DGLUCY: variants seen among roughly 807,000 people sequenced by gnomAD.
The protein encoded by DGLUCY is D-glutamate cyclase.
DGLUCY carries 58 observed loss-of-function variants against 58.5 expected under a neutral mutation model. The ratio of observed to expected loss-of-function variants is 0.99; its 90% CI spans 0.80 to 1.23. The LOEUF is 1.23. Among genes scored for constraint, DGLUCY ranks in the 50% most tolerant of loss-of-function variants. The probability of loss-of-function intolerance (pLI) is 0.00; values close to 1 mark genes in which losing one functional copy is unlikely to be tolerated. For missense variants in DGLUCY, 779 were observed against 784.7 expected, an observed-to-expected ratio of 0.99 and a Z score of 0.09; for synonymous variants, 325 against 314.1, an observed-to-expected ratio of 1.03 and a Z score of -0.37.
intron 1 of DGLUCY, among the ~76,000 whole-genome samples, chr14:91,087,604 C>T (rs1310870736): frequency 6.6e-5 from 10 of 152,188 alleles, no homozygotes; most frequent in Non-Finnish European, 2.9e-5. Context: ...TTACCTTTCT[C>T]AACATTGCAC....
At chr14:91,099,511 C>T (rs11621928) in intron 1 of DGLUCY, among the ~76,000 whole-genome samples, 19,091 of 141,592 alleles carry the variant, frequency 0.13, 1,572 homozygotes, top group Non-Finnish European at 0.19. Context: ...CCAGCCTAGG[C>T]GACAGAGACC....
intron 8 of DGLUCY, among the ~76,000 whole-genome samples, chr14:91,187,716 A>G (rs1166438328): frequency 6.6e-6 from 1 of 152,202 alleles, no homozygotes; most frequent in African/African-American, 2.4e-5. Context: ...AGAGGACTCA[A>G]CGCCCTAATA....
chr14:91,070,913 G>A (rs2043904381), intron 1 of DGLUCY, among the ~76,000 whole-genome samples: 1 of 152,110 alleles, frequency 6.6e-6, no homozygotes, highest in Non-Finnish European at 1.5e-5. Context: ...CAATAACAAA[G>A]TACATCAGAT....
At chr14:91,182,348 G>T (rs796507044) in intron 8 of DGLUCY, among the ~76,000 whole-genome samples, 8 of 152,282 alleles carry the variant, frequency 5.3e-5, no homozygotes, top group African/African-American at 1.9e-4. Flanking sequence ...GAGTTTATTT[G>T]CTGGGCATGT....
At chr14:91,061,109 G>A (rs2043664176) in intron 1 of DGLUCY, among the ~76,000 whole-genome samples, 1 of 152,174 alleles carries the variant, frequency 6.6e-6, no homozygotes, top group South Asian at 2.1e-4. Flanking sequence ...CGTGGACAGA[G>A]GAGGGGCCTG....
At chr14:91,202,537 A>G (rs1451047472) in intron 11 of DGLUCY, among the ~76,000 whole-genome samples, 1 of 152,138 alleles carries the variant, frequency 6.6e-6, no homozygotes. Flanking sequence ...GGTGTGGTGC[A>G]CACAGTGCGG....
chr14:91,194,722 G>T (rs939843038), intron 9 of DGLUCY, among the ~76,000 whole-genome samples: 1 of 152,040 alleles, frequency 6.6e-6, no homozygotes, highest in African/African-American at 2.4e-5. Flanking sequence ...TCTATTTTTA[G>T]TAGAGACAGG....
rs1368481657 is a variant in DGLUCY, at chr14:91,157,091, ATGAATGGG to A, written c.-81-545_-81-538del. 2.0e-4 allele frequency among the ~76,000 whole-genome samples: 29 copies of A among 145,140 alleles called. 2 individuals carry two copies. The highest frequency in any genetic ancestry group is 5.9e-4 in the African/African-American group (23 of 39,088). ...GATGGATGGATGGATGGATGGATGG[ATGAATGGG>A]TGGATGGATGGATGGATGGGTGGAT... On this transcript the variant is annotated intron_variant, in intron 1 of 13. Coordinates refer to ENST00000256324, the MANE Select transcript of DGLUCY (RefSeq NM_001102368.3).
In DGLUCY at chr14:91,190,727, C is replaced by T. The variant is rs183502915; in HGVS notation, c.1195+1557C>T. 4.3e-3 allele frequency among the ~76,000 whole-genome samples: 656 copies of T among 151,984 alleles called. 3 individuals are homozygous for T. The highest frequency in any genetic ancestry group is 8.1e-3 in the South Asian group (39 of 4,808). ...GTGAATGAGGAAAAGAGAAGTGGGA[C>T]GAGGGACAGAGAGGTAACAGGGACC... is the stretch of plus-strand genomic sequence containing the variant. On this transcript the variant is annotated intron_variant, in intron 9 of 13. Transcript: ENST00000256324.
intron 1 of DGLUCY, among the ~76,000 whole-genome samples, chr14:91,080,504 G>A (rs2044105791): frequency 6.6e-6 from 1 of 152,142 alleles, no homozygotes; most frequent in Non-Finnish European, 1.5e-5. Context: ...TTGAGTAGCT[G>A]GGATTACAGG....
chr14:91,175,814 C>T, intron 6 of DGLUCY, 120 bp from the exon 7 acceptor site: 1 of 1,172,200 alleles, frequency 8.5e-7, no homozygotes, highest in Admixed American at 1.9e-5. Flanking sequence ...TCCTCAAATA[C>T]CATTTACAAT....
In DGLUCY at chr14:91,199,848, G is replaced by T; in HGVS notation, c.1387G>T (p.Asp463Tyr). 6.2e-7 allele frequency: 1 copy of T among 1,614,172 alleles called. No homozygotes were observed. The highest frequency in any genetic ancestry group is 1.1e-5 in the South Asian group (1 of 91,078). The change falls in exon 11 of 14, where the codon GAC (aspartate) becomes TAC (tyrosine). Residue 463 changes from aspartate (D) to tyrosine (Y), a missense_variant. Physicochemically the swap from Asp to Tyr is radical, Grantham distance 160. Transcript: ENST00000256324. ...GAAGATGAACATCAAGCACTTGGTT[G>T]ACCCCATTGACGATCTTTTTCTTGC... Reference protein sequence around the residue: ...ARKMNIKHLVDPIDDLFLAAK... With the variant: ...ARKMNIKHLVYPIDDLFLAAK...
chr14:91,104,957 T>A (rs1462550197), upstream of DGLUCY, among the ~76,000 whole-genome samples: 1 of 152,228 alleles, frequency 6.6e-6, no homozygotes, highest in Non-Finnish European at 1.5e-5. Flanking sequence ...TCCAAGTGCA[T>A]CTTATGACGC....
At chr14:91,090,051 C>T (rs936881894) in intron 1 of DGLUCY, among the ~76,000 whole-genome samples, 1 of 152,118 alleles carries the variant, frequency 6.6e-6, no homozygotes, top group South Asian at 2.1e-4. Flanking sequence ...ACAAGTGGGG[C>T]CCTGACGAAG....
At chr14:91,143,029 CAAAAAAAA>C (rs34164664) in intron 1 of DGLUCY, among the ~76,000 whole-genome samples, 1 of 83,080 alleles carries the variant, frequency 1.2e-5, no homozygotes, top group African/African-American at 4.7e-5. Context: ...GACTCCCTCT[CAAAAAAAA>C]AAAAAAAAAA....
At chr14:91,142,056 G>C (rs571531421) in intron 1 of DGLUCY, among the ~76,000 whole-genome samples, 1 of 152,110 alleles carries the variant, frequency 6.6e-6, no homozygotes, top group Admixed American at 6.6e-5. Flanking sequence ...ATGTTGACCA[G>C]GCAGGTCTTG....
Position 91,204,600 on chromosome 14 carries a change from C to T in DGLUCY, c.1445-106C>T, listed in dbSNP as rs990013649. On this transcript the variant is annotated intron_variant, in intron 11 of 13. Transcript: ENST00000256324. ...GTCTGAAAATATATCCAGAGCCAAC[C>T]TTTTTGCCCTCCCAAAGGCAACAAG... 4.9e-5 allele frequency: 71 copies of T among 1,455,396 alleles called. No individual in the cohort carries two copies. The African/African-American group carries it at 8.8e-4, about 18-fold the overall frequency. The allele number at this position is 1,455,396 out of a possible 1,614,324, so 90.2% of individuals were successfully genotyped here.
chr14:91,184,999 A>T (rs1166552328), intron 8 of DGLUCY, among the ~76,000 whole-genome samples: 1 of 151,588 alleles, frequency 6.6e-6, no homozygotes, highest in African/African-American at 2.4e-5. Flanking sequence ...ACACAGTCTC[A>T]CTCTGTTGCC....
intron 1 of DGLUCY, among the ~76,000 whole-genome samples, chr14:91,156,034 A>C (rs2047600421): frequency 6.6e-6 from 1 of 152,130 alleles, no homozygotes; most frequent in Admixed American, 6.5e-5. Context: ...CATGTCGGTT[A>C]ATAGAGAATT....
Sources: allele counts gnomAD v4.1 joint callset (sites outside exome capture counted in the v4.1 genomes callset), GRCh38; gene constraint gnomAD v4.1.1; transcripts MANE v1.5; gene names NCBI Gene and HGNC (gene_info 2026-07-23, HGNC 2026-07-21).